The following LDB3 variants were observed in gnomAD, a reference collection of about 807,000 sequenced individuals.
LDB3 encodes the protein LIM domain-binding protein 3.
A neutral mutation model predicts 69.0 loss-of-function variants in LDB3; 49 were observed. The ratio of observed to expected loss-of-function variants is 0.71; its 90% CI spans 0.56 to 0.90. LDB3 has a LOEUF of 0.90. Among genes scored for constraint, LDB3 ranks in the 40% least tolerant of loss-of-function variants. The pLI is 0.00. For synonymous variants in LDB3, 387 were observed against 396.2 expected, an observed-to-expected ratio of 0.98 and a Z score of 0.28; for missense variants, 928 against 974.1, an observed-to-expected ratio of 0.95 and a Z score of 0.63.
intron 12 of LDB3, among the ~76,000 whole-genome samples, chr10:86,722,791 A>ACTC (rs1053395947): frequency 3.4e-5 from 4 of 117,622 alleles, no homozygotes; most frequent in African/African-American, 1.3e-4. Flanking sequence ...CTGGTCTTGA[A>ACTC]CTCCTGACCT....
intron 12 of LDB3, among the ~76,000 whole-genome samples, chr10:86,722,079 A>C (rs1300901266): frequency 6.6e-6 from 1 of 152,204 alleles, no homozygotes; most frequent in Non-Finnish European, 1.5e-5. Context: ...TGCAGAAATA[A>C]CTTTTGCAGA....
intron 7 of LDB3, 135 bp from the exon 8 acceptor site, chr10:86,706,396 C>T (rs751201271): frequency 3.1e-5 from 29 of 938,104 alleles, no homozygotes; most frequent in Non-Finnish European, 4.7e-5. Context: ...CTCTGAGGAT[C>T]CTACTCTGTT....
intron 12 of LDB3, among the ~76,000 whole-genome samples, chr10:86,724,140 G>A (rs1220906954): frequency 1.3e-5 from 2 of 151,394 alleles, no homozygotes; most frequent in South Asian, 2.1e-4. Context: ...GTGAAACCCC[G>A]TCTCTACTGA....
chr10:86,686,202 G>T (rs545446513), intron 5 of LDB3, among the ~76,000 whole-genome samples: 1 of 152,314 alleles, frequency 6.6e-6, no homozygotes, highest in Non-Finnish European at 1.5e-5. Context: ...CTGCTCTGAG[G>T]AAGAAGCACA....
At chr10:86,731,265 C>A (rs1399617894) in intron 13 of LDB3, among the ~76,000 whole-genome samples, 2 of 147,378 alleles carry the variant, frequency 1.4e-5, no homozygotes, top group African/African-American at 5.0e-5. Flanking sequence ...CGCTCTGTCG[C>A]CCAGGCTTGG....
At position 86,681,640 on chromosome 10, in the gene LDB3, G is replaced by C. The variant is rs149167391; in HGVS notation, c.526G>C (p.Gly176Arg). 2.5e-5 allele frequency: 40 copies of C among 1,613,234 alleles called. No individual in the cohort carries two copies. Among genetic ancestry groups the C allele is most frequent in the Non-Finnish European group, 3.3e-5 (39 of 1,179,838 alleles). The change falls in exon 5 of 14, where the codon GGG (glycine) becomes CGG (arginine). Residue 176 changes from glycine to arginine, a missense_variant. By Grantham distance (125) the Gly-to-Arg change is moderately radical. Coordinates refer to ENST00000361373, the MANE Select transcript of LDB3 (RefSeq NM_007078.3). ...ASLRAKTSPE[G>R]ARDLLGPKAL... ...CCTGAGGGCCAAGACCAGCCCAGAG[G>C]GGGCCCGGGACCTACTCGGCCCAAA...
intron 8 of LDB3, among the ~76,000 whole-genome samples, chr10:86,708,227 G>A (rs1207313298): frequency 6.6e-6 from 1 of 152,242 alleles, no homozygotes; most frequent in Non-Finnish European, 1.5e-5. Context: ...GTGGAGCTTG[G>A]AGAGGGGCAC....
chr10:86,696,160 A>G (rs1292640609), intron 7 of LDB3, among the ~76,000 whole-genome samples: 2 of 151,824 alleles, frequency 1.3e-5, no homozygotes, highest in Non-Finnish European at 2.9e-5. Flanking sequence ...TCCCTCCTGC[A>G]GCCTCTCAGA....
Position 86,699,272 on chromosome 10 carries a change from C to T in LDB3, c.896+6701C>T, listed in dbSNP as rs1200778906. 2.5e-6 allele frequency: 4 copies of T among 1,608,510 alleles called. No homozygotes were observed. In the Admixed American group the frequency reaches 5.0e-5, roughly 20 times the overall value. On this transcript the variant is annotated intron_variant, in intron 7 of 13. Transcript: ENST00000361373. This position sits in a 1 kb window ranked among gnomAD's most constrained non-coding sequence, Gnocchi z 4.9. ...CTCTCTCTCTCTCTCTCTCTCTGTG[C>T]CACAGGGAAAGGTTTGAAACGGAAC...
chr10:86,678,007 TA>T lies in LDB3; in HGVS notation c.94-1358del, dbSNP rs11294968. On this transcript the variant is annotated intron_variant, in intron 2 of 13. Coordinates refer to ENST00000361373, the MANE Select transcript of LDB3 (RefSeq NM_007078.3). ...GCAGGGTGCAGGGGTTATAAGAGGC[TA>T]ATCAAGGTTACAAATAGCCTGCAGT... 8.8e-3 allele frequency among the ~76,000 whole-genome samples: 1,347 copies of T among 152,308 alleles called. 29 individuals are homozygous for T. The highest frequency in any genetic ancestry group is 0.031 in the African/African-American group (1,288 of 41,562).
At chr10:86,692,746 GTGGGCACC>G (rs1845827084) in intron 7 of LDB3, among the ~76,000 whole-genome samples, 175 bp downstream of exon 7, 1 of 152,246 alleles carries the variant, frequency 6.6e-6, no homozygotes. Flanking sequence ...AGTCAGTGAG[GTGGGCACC>G]TGGACCCGAG....
At chr10:86,693,636 G>C (rs989422031) in intron 7 of LDB3, among the ~76,000 whole-genome samples, 1 of 152,236 alleles carries the variant, frequency 6.6e-6, no homozygotes, top group Non-Finnish European at 1.5e-5. Flanking sequence ...GCTAAGGATG[G>C]CATGCAGTCC....
chr10:86,713,189 T>C (rs1846732668), intron 9 of LDB3, among the ~76,000 whole-genome samples: 1 of 152,184 alleles, frequency 6.6e-6, no homozygotes, highest in Non-Finnish European at 1.5e-5. Context: ...ACATTTCAGC[T>C]GCTCATCGGC....
At chr10:86,691,197 C>A (rs1845743710) in intron 5 of LDB3, among the ~76,000 whole-genome samples, 1 of 152,194 alleles carries the variant, frequency 6.6e-6, no homozygotes, top group Admixed American at 6.5e-5. Context: ...ATGTGCCAGA[C>A]CCTGGGAGCC....
chr10:86,707,211 CAG>C (rs1286808907), intron 8 of LDB3, among the ~76,000 whole-genome samples: 3 of 152,020 alleles, frequency 2.0e-5, no homozygotes, highest in Non-Finnish European at 4.4e-5. Flanking sequence ...CAGATTTCCT[CAG>C]AGAGTTCAGC....
chr10:86,692,191 T>C lies in LDB3; in HGVS notation c.859+126T>C, dbSNP rs535073509. ...GCCCTTGAAGGTGGGCCAGGCTTGA[T>C]GGTTTGTCAGTGGCTGGCAGGGCTC... is the stretch of plus-strand genomic sequence containing the variant. On this transcript the variant is annotated intron_variant, in intron 6 of 13. Coordinates refer to ENST00000361373, the MANE Select transcript of LDB3 (RefSeq NM_007078.3). 1.2e-4 allele frequency: 135 copies of C among 1,155,020 alleles called. 1 individual carries two copies. The South Asian group carries it at 1.9e-3, about 16-fold the overall frequency. The allele number at this position is 1,155,020 out of a possible 1,614,324, so 71.5% of individuals were successfully genotyped here. A position where few individuals can be genotyped will look rare whatever the true frequency, so the allele number is the denominator to read the frequency against.
At chr10:86,681,309 C>A (rs576944923) in intron 4 of LDB3, 127 bp from the exon 5 acceptor site, 1 of 1,392,018 alleles carries the variant, frequency 7.2e-7, no homozygotes, top group South Asian at 1.2e-5. Flanking sequence ...TGCGCCCAGG[C>A]GCTCTGGGCT....
At chr10:86,717,925 G>T in intron 10 of LDB3, 39 bp from the exon 11 acceptor site, 1 of 1,602,796 alleles carries the variant, frequency 6.2e-7, no homozygotes. Context: ...TCCAAGTTCT[G>T]GGAGCTGCCT....
At chr10:86,713,540 C>T (rs1467747650) in intron 9 of LDB3, among the ~76,000 whole-genome samples, 1 of 152,158 alleles carries the variant, frequency 6.6e-6, no homozygotes, top group Non-Finnish European at 1.5e-5. Flanking sequence ...CCACCGCGCC[C>T]AGCCAATCTT....
Sources: gnomAD v4.1 joint callset for allele counts (sites outside exome capture counted in the v4.1 genomes callset) on GRCh38, gnomAD v4.1.1 for gene constraint, Gnocchi (gnomAD v3.1) non-coding constraint, MANE v1.5 for transcripts, NCBI Gene and HGNC (gene_info 2026-07-23, HGNC 2026-07-21) for gene names.